The following STMND1 variants were observed in gnomAD, a reference collection of about 807,000 sequenced individuals.
STMND1 encodes the protein stathmin domain-containing protein 1.
In STMND1, 17 loss-of-function variants were observed where a neutral mutation model predicts 23.0. The ratio of observed to expected loss-of-function variants is 0.74; its 90% CI spans 0.51 to 1.11. STMND1 has a LOEUF of 1.11. STMND1 is among the 50% of genes least tolerant of loss of function. The pLI is 0.00. For missense variants in STMND1, 305 were observed against 329.1 expected (o/e 0.93, Z 0.57); for synonymous variants, 114 against 119.9 (o/e 0.95, Z 0.32).
intron 2 of STMND1, among the ~76,000 whole-genome samples, chr6:17,120,131 C>T (rs999036221): frequency 1.3e-5 from 2 of 152,134 alleles, no homozygotes; most frequent in African/African-American, 2.4e-5. Flanking sequence ...TAGCAGATGG[C>T]GTAATTATAA....
Position 17,107,315 on chromosome 6 carries a change from C to T in STMND1, c.81+4977C>T, listed in dbSNP as rs1022381853. 5.3e-5 allele frequency among the ~76,000 whole-genome samples: 8 copies of T among 151,930 alleles called. No homozygotes were observed. The East Asian group carries it at 5.8e-4, about 11-fold the overall frequency. On this transcript the variant is annotated intron_variant, in intron 1 of 4. Transcript: ENST00000536551. The stretch of plus-strand genomic sequence containing the variant: ...ACACAACAAACAAACAACACCTGTC[C>T]GTATTTAAAAGCAATACCTTATTTG...
intron 1 of STMND1, among the ~76,000 whole-genome samples, chr6:17,105,956 T>C (rs1450752370): frequency 6.6e-6 from 1 of 152,058 alleles, no homozygotes; most frequent in Non-Finnish European, 1.5e-5. Context: ...TCCTAAATCC[T>C]TACTTAGCAT....
chr6:17,109,743 C>T (rs1223080628), intron 1 of STMND1, among the ~76,000 whole-genome samples: 2 of 152,154 alleles, frequency 1.3e-5, no homozygotes, highest in African/African-American at 4.8e-5. Context: ...ACCATCTTTG[C>T]TCATGTTTAA....
intron 4 of STMND1, 45 bp downstream of exon 4, chr6:17,129,288 G>A: frequency 1.3e-6 from 2 of 1,523,208 alleles, no homozygotes; most frequent in Non-Finnish European, 1.8e-6. Flanking sequence ...TTCGCTGTCT[G>A]TTAAAATGAT....
At chr6:17,130,024 A>G (rs1194902597) in intron 4 of STMND1, among the ~76,000 whole-genome samples, 1 of 151,936 alleles carries the variant, frequency 6.6e-6, no homozygotes, top group African/African-American at 2.4e-5. Context: ...GCTTTTTATT[A>G]TATGCTATAT....
intron 2 of STMND1, among the ~76,000 whole-genome samples, chr6:17,119,233 T>C (rs924881360): frequency 6.6e-6 from 1 of 152,148 alleles, no homozygotes; most frequent in Non-Finnish European, 1.5e-5. Context: ...GATACTAAGA[T>C]AGGAGGAAAA....
chr6:17,124,630 A>T (rs1761272812), intron 3 of STMND1, among the ~76,000 whole-genome samples: 1 of 152,228 alleles, frequency 6.6e-6, no homozygotes, highest in Non-Finnish European at 1.5e-5. Context: ...GGTGAATACC[A>T]CAGTAATTCC....
In STMND1 at chr6:17,131,113, C is replaced by T. The variant is rs1243975805; in HGVS notation, c.*232C>T. The T allele has an allele frequency of 1.4e-5, 6 of 434,746 alleles. No individual in the cohort carries two copies. In the East Asian group the frequency reaches 2.1e-4, roughly 15 times the overall value. The allele number at this position is 434,746 out of a possible 1,614,324, so 26.9% of individuals were successfully genotyped here. On this transcript the variant is annotated 3_prime_UTR_variant, in exon 5 of 5. Transcript: ENST00000536551. Reference sequence around the variant, plus strand: ...ACTTGACCAGCATAGATATTTGGCACTCTCCTTTGTGTGGCTTCAAACATT... The same window carrying T: ...ACTTGACCAGCATAGATATTTGGCATTCTCCTTTGTGTGGCTTCAAACATT...
At chr6:17,108,368 G>T (rs922133945) in intron 1 of STMND1, among the ~76,000 whole-genome samples, 6 of 152,108 alleles carry the variant, frequency 3.9e-5, no homozygotes, top group Non-Finnish European at 4.4e-5. Flanking sequence ...TGCTATTGTT[G>T]TTGTTGTTAC....
In STMND1 at chr6:17,115,085, A is replaced by G. The variant is rs1398006319; in HGVS notation, c.205A>G (p.Thr69Ala). The G allele has an allele frequency of 5.2e-6, 8 of 1,535,908 alleles. No individual in the cohort carries two copies. The highest frequency in any genetic ancestry group is 7.0e-6 in the Non-Finnish European group (8 of 1,146,858). Residue 69 changes from threonine to alanine, a missense_variant, in exon 2 of 5, where the codon ACC becomes GCC. By Grantham distance (58) the Thr-to-Ala change is moderately conservative. Transcript: ENST00000536551. The stretch of plus-strand genomic sequence containing the variant: ...AGTCCAGATGGGAAGCTTACCTGGA[A>G]CCATTTCAGAAAATTCTCCATCTCC... ...EQVQMGSLPG[T>A]ISENSPSPSE... is the part of the protein sequence containing the mutation.
intron 1 of STMND1, among the ~76,000 whole-genome samples, chr6:17,103,301 G>A (rs1200106152): frequency 6.6e-6 from 1 of 152,198 alleles, no homozygotes; most frequent in Non-Finnish European, 1.5e-5. Context: ...TGGAGCTACT[G>A]TTCAAAGAGC....
intron 3 of STMND1, among the ~76,000 whole-genome samples, chr6:17,124,509 G>A (rs778825274): frequency 8.5e-5 from 13 of 152,160 alleles, no homozygotes; most frequent in Admixed American, 2.0e-4. Flanking sequence ...TCCCTCTTCC[G>A]AATCGGGGGC....
At chr6:17,104,971 C>CT (rs961916013) in intron 1 of STMND1, among the ~76,000 whole-genome samples, 6 of 151,710 alleles carry the variant, frequency 4.0e-5, no homozygotes, top group South Asian at 2.1e-4. Context: ...GGAAAATATT[C>CT]TTTTTAAAAA....
At chr6:17,106,181 C>T (rs1761022610) in intron 1 of STMND1, among the ~76,000 whole-genome samples, 1 of 152,118 alleles carries the variant, frequency 6.6e-6, no homozygotes, top group East Asian at 1.9e-4. Context: ...ACAAGACACT[C>T]GAGGTCACTC....
At chr6:17,121,165 A>C in intron 3 of STMND1, among the ~76,000 whole-genome samples, 1 of 152,172 alleles carries the variant, frequency 6.6e-6, no homozygotes, top group East Asian at 1.9e-4. Flanking sequence ...CATGATTGTA[A>C]GTTTCCTGAG....
At chr6:17,127,813 T>A (rs970236919) in intron 3 of STMND1, 1 of 152,244 alleles carries the variant, frequency 6.6e-6, no homozygotes, top group Admixed American at 6.5e-5. Flanking sequence ...TAATGCAGCC[T>A]TGGAGTTAAC....
chr6:17,125,426 C>T (rs1364367042), intron 3 of STMND1, among the ~76,000 whole-genome samples: 1 of 152,114 alleles, frequency 6.6e-6, no homozygotes, highest in Non-Finnish European at 1.5e-5. Flanking sequence ...CATTTCTCCC[C>T]GCCACTTAGC....
At chr6:17,127,489 G>C (rs1761323765) in intron 3 of STMND1, among the ~76,000 whole-genome samples, 1 of 152,204 alleles carries the variant, frequency 6.6e-6, no homozygotes, top group Non-Finnish European at 1.5e-5. Context: ...GGCGGAGGTT[G>C]CAGTGAGCCA....
chr6:17,123,354 G>C (rs1761256534), intron 3 of STMND1, among the ~76,000 whole-genome samples: 2 of 152,174 alleles, frequency 1.3e-5, no homozygotes, highest in Non-Finnish European at 2.9e-5. Flanking sequence ...TTCAGGAATA[G>C]CACAATTTTG....
Sources: gnomAD v4.1 joint callset for allele counts (sites outside exome capture counted in the v4.1 genomes callset) on GRCh38, gnomAD v4.1.1 for gene constraint, MANE v1.5 for transcripts, NCBI Gene and HGNC (gene_info 2026-07-23, HGNC 2026-07-21) for gene names.